The following PAN3 variants were observed in gnomAD, a reference collection of about 807,000 sequenced individuals.
PAN3 encodes poly(A) specific ribonuclease subunit PAN3, also known as PAN2-PAN3 deadenylation complex subunit PAN3.
Under a neutral mutation model 96.2 loss-of-function variants are expected in PAN3, and 19 were observed. That is an observed-to-expected ratio of 0.20 (90% CI 0.14 to 0.29). The LOEUF is 0.29. Ranked by LOEUF, PAN3 falls within the 10% of genes least tolerant of loss-of-function variation. The pLI is 1.00. For synonymous variants in PAN3, 433 were observed against 406.6 expected (o/e 1.06, Z -0.78); for missense variants, 882 against 1,108.1 (o/e 0.80, Z 2.90).
At chr13:28,144,877 G>A (rs143015456) in intron 1 of PAN3, among the ~76,000 whole-genome samples, 15 of 151,768 alleles carry the variant, frequency 9.9e-5, no homozygotes, top group African/African-American at 2.9e-4. Context: ...CTGCCACCGC[G>A]ACTGGCTAAT....
At chr13:28,167,210 A>G (rs1593395084) in intron 1 of PAN3, among the ~76,000 whole-genome samples, 1 of 140,120 alleles carries the variant, frequency 7.1e-6, no homozygotes, top group Non-Finnish European at 1.5e-5. Context: ...CCCGTTTTTT[A>G]TTTTGAGACA....
chr13:28,283,531 C>G (rs1042345335), intron 17 of PAN3, among the ~76,000 whole-genome samples: 13 of 152,200 alleles, frequency 8.5e-5, no homozygotes, highest in Admixed American at 7.2e-4. Flanking sequence ...TCCAGAGTTA[C>G]AAATACAACT....
intron 1 of PAN3, among the ~76,000 whole-genome samples, chr13:28,146,438 CAG>C (rs747474590): frequency 1.3e-5 from 2 of 151,688 alleles, no homozygotes; most frequent in Non-Finnish European, 2.9e-5. Context: ...GTTTAAATAA[CAG>C]AAAAGTATTT....
At chr13:28,148,886 T>A (rs965717794) in intron 1 of PAN3, among the ~76,000 whole-genome samples, 1 of 152,210 alleles carries the variant, frequency 6.6e-6, no homozygotes, top group Non-Finnish European at 1.5e-5. Context: ...TATTATTAGA[T>A]TCTTTATAAT....
At position 28,175,979 on chromosome 13, in the gene PAN3, A is replaced by C. The variant is rs866685979; in HGVS notation, c.553-514A>C. Among the ~76,000 whole-genome samples, 3 of 152,202 alleles carry C rather than the reference A, an allele frequency of 2.0e-5. No individual in the cohort carries two copies. In the South Asian group the frequency reaches 6.2e-4, roughly 31 times the overall value. On this transcript the variant is annotated intron_variant, in intron 2 of 18. Coordinates refer to ENST00000380958, the MANE Select transcript of PAN3 (RefSeq NM_175854.8). ...ACATATGAGACAAGGATTTGTGGGC[A>C]TGGGATGAAGGGCCTTACAGGATGG... is the stretch of plus-strand genomic sequence containing the variant.
At chr13:28,269,440 A>G (rs773229971) in intron 12 of PAN3, among the ~76,000 whole-genome samples, 3 of 152,004 alleles carry the variant, frequency 2.0e-5, no homozygotes, top group Non-Finnish European at 4.4e-5. Context: ...TTCTTACACT[A>G]TGTAATTTAT....
intron 5 of PAN3, among the ~76,000 whole-genome samples, chr13:28,200,070 A>G (rs1417633487): frequency 6.6e-6 from 1 of 152,182 alleles, no homozygotes; most frequent in East Asian, 1.9e-4. Flanking sequence ...CTCTAAGGTT[A>G]AACAGTTAGT....
At chr13:28,277,189 G>A (rs369837806) in intron 14 of PAN3, 48 bp from the exon 15 acceptor site, 10 of 1,542,406 alleles carry the variant, frequency 6.5e-6, no homozygotes, top group African/African-American at 1.4e-5. Flanking sequence ...TATTAAATGA[G>A]TACCTGTGAA....
rs543743897 is a variant in PAN3, at chr13:28,266,675, T to C, written c.1412-40T>C. On this transcript the variant is annotated intron_variant, in intron 9 of 18. Transcript: ENST00000380958. The stretch of plus-strand genomic sequence containing the variant: ...TGTATTTTTGAGAAAGATTTATGAA[T>C]GCCTGTATTTTCAAGTCATCTTCTT... 5 of 1,431,444 alleles carry C rather than the reference T, an allele frequency of 3.5e-6. No individual in the cohort carries two copies. The Admixed American group carries it at 9.4e-5, about 27-fold the overall frequency. The allele number at this position is 1,431,444 out of a possible 1,614,324, so 88.7% of individuals were successfully genotyped here. A position where few individuals can be genotyped will look rare whatever the true frequency, so the allele number is the denominator to read the frequency against.
intron 1 of PAN3, among the ~76,000 whole-genome samples, chr13:28,155,748 A>G (rs918161778): frequency 3.3e-5 from 5 of 152,218 alleles, no homozygotes; most frequent in African/African-American, 1.2e-4. Context: ...CATAAAATGT[A>G]TAACAAACTC....
At chr13:28,194,683 T>C (rs1221521558) in intron 4 of PAN3, among the ~76,000 whole-genome samples, 1 of 151,868 alleles carries the variant, frequency 6.6e-6, no homozygotes, top group Non-Finnish European at 1.5e-5. Context: ...TTGCTCAGTC[T>C]GGTCTTGAAC....
chr13:28,248,457 A>C (rs1395061697), intron 6 of PAN3, among the ~76,000 whole-genome samples: 8 of 152,070 alleles, frequency 5.3e-5, no homozygotes, highest in Admixed American at 5.2e-4. Flanking sequence ...TTCCAGTACT[A>C]TATTGAATAA....
At position 28,294,682 on chromosome 13, in the gene PAN3, GT is replaced by G. The variant is rs1566270579; in HGVS notation, c.*2163del. ...AAGTTTACATCACAAATCCAAGAATGTTTGCATCCTAAATGCTAGTTTGCTT... is the reference window on the plus strand; with the variant it reads ...AAGTTTACATCACAAATCCAAGAATGTTGCATCCTAAATGCTAGTTTGCTT... On this transcript the variant is annotated 3_prime_UTR_variant, in exon 19 of 19. Transcript: ENST00000380958. 1 of 152,614 alleles carries G rather than the reference GT, an allele frequency of 6.6e-6. No homozygotes were observed. The highest frequency in any genetic ancestry group is 1.5e-5 in the Non-Finnish European group (1 of 68,042). The allele number at this position is 152,614 out of a possible 1,614,324, so 9.5% of individuals were successfully genotyped here.
rs1869872712 is a variant in PAN3 at position 28,292,450 on chromosome 13, C to T, written c.2592C>T (p.Thr864=). The change falls in exon 19 of 19, where the codon ACC becomes ACT. Residue 864 remains threonine, a synonymous_variant. Transcript: ENST00000380958. ...ATGAGAAGAGTGTACTTGTGGTGAC[C>T]TACAGTGACTTAAAGCGCTGCTTTG... ...SRDEKSVLVV[T]YSDLKRCFEN... 6.2e-7 allele frequency: 1 copy of T among 1,612,390 alleles called. No homozygotes were observed. Among genetic ancestry groups the T allele is most frequent in the African/African-American group, 1.3e-5 (1 of 74,848 alleles).
intron 2 of PAN3, among the ~76,000 whole-genome samples, chr13:28,175,220 CAA>C (rs45585832): frequency 1.4e-3 from 209 of 152,260 alleles, no homozygotes; most frequent in Middle Eastern, 6.8e-3. Context: ...TATTTAAACA[CAA>C]GAGAAATTCA....
chr13:28,146,773 A>G (rs1870713617), intron 1 of PAN3, among the ~76,000 whole-genome samples: 1 of 152,140 alleles, frequency 6.6e-6, no homozygotes, highest in African/African-American at 2.4e-5. Flanking sequence ...GTCAAGAGAT[A>G]CAGACCATCC....
chr13:28,147,713 T>G (rs1019693044), intron 1 of PAN3, among the ~76,000 whole-genome samples: 2 of 152,206 alleles, frequency 1.3e-5, no homozygotes, highest in Non-Finnish European at 2.9e-5. Flanking sequence ...AAATATGGTT[T>G]CTACTGAACT....
chr13:28,223,963 G>C (rs1160799183), intron 6 of PAN3, among the ~76,000 whole-genome samples: 1 of 142,234 alleles, frequency 7.0e-6, no homozygotes, highest in Non-Finnish European at 1.5e-5. Context: ...CGGCCTGCCA[G>C]GTTCACGCCA....
intron 4 of PAN3, among the ~76,000 whole-genome samples, chr13:28,193,728 C>A (rs1877581058): frequency 9.4e-6 from 1 of 106,946 alleles, no homozygotes; most frequent in Non-Finnish European, 1.9e-5. Flanking sequence ...GGGAGTGAGA[C>A]CCTGACTTAA....
Sources: gnomAD v4.1 joint callset for allele counts (sites outside exome capture counted in the v4.1 genomes callset) on GRCh38, gnomAD v4.1.1 for gene constraint, MANE v1.5 for transcripts, NCBI Gene and HGNC (gene_info 2026-07-23, HGNC 2026-07-21) for gene names.